FAF1: variants seen among roughly 807,000 people sequenced by gnomAD.
FAF1 encodes Fas associated factor 1, also known as FAS-associated factor 1.
In FAF1, 25 loss-of-function variants were observed where a neutral mutation model predicts 92.5. The ratio of observed to expected loss-of-function variants is 0.27; its 90% confidence interval spans 0.20 to 0.38. The LOEUF is 0.38. Ranked by LOEUF, FAF1 falls within the 10% of genes least tolerant of loss-of-function variation. FAF1 has a pLI of 1.00. For missense variants in FAF1, 636 were observed against 793.3 expected, an observed-to-expected ratio of 0.80 and a Z score of 2.38; for synonymous variants, 234 against 273.2, an observed-to-expected ratio of 0.86 and a Z score of 1.42.
intron 1 of FAF1, among the ~76,000 whole-genome samples, chr1:50,868,224 A>G (rs377440559): frequency 2.6e-5 from 4 of 152,196 alleles, no homozygotes; most frequent in East Asian, 3.8e-4. Context: ...CATTGTGTAC[A>G]GTACACAGTG....
At chr1:50,558,391 C>T (rs1256144070) in intron 13 of FAF1, among the ~76,000 whole-genome samples, 1 of 151,784 alleles carries the variant, frequency 6.6e-6, no homozygotes, top group Non-Finnish European at 1.5e-5. Flanking sequence ...CTGGTGGGGT[C>T]GGGGGACGGG....
At chr1:50,647,230 CT>C (rs1654638982) in intron 8 of FAF1, among the ~76,000 whole-genome samples, 1 of 152,186 alleles carries the variant, frequency 6.6e-6, no homozygotes, top group African/African-American at 2.4e-5. Context: ...GAAAACCTAA[CT>C]TATGAGCATA....
intron 4 of FAF1, among the ~76,000 whole-genome samples, chr1:50,753,998 C>T (rs907357824): frequency 2.6e-5 from 4 of 151,970 alleles, no homozygotes; most frequent in South Asian, 2.1e-4. Flanking sequence ...TCTCGTGATA[C>T]GCCCACCTTG....
chr1:50,490,450 A>C, intron 17 of FAF1, 138 bp downstream of exon 17: 1 of 358,048 alleles, frequency 2.8e-6, no homozygotes, highest in Non-Finnish European at 5.7e-6. Context: ...GAAGGAAGGA[A>C]GGAAGGAAGG....
At chr1:50,862,800 C>T (rs1345185267) in intron 1 of FAF1, among the ~76,000 whole-genome samples, 1 of 151,728 alleles carries the variant, frequency 6.6e-6, no homozygotes, top group Non-Finnish European at 1.5e-5. Context: ...CAAAAAGGGA[C>T]ATTATATAAT....
intron 15 of FAF1, among the ~76,000 whole-genome samples, chr1:50,507,493 T>G (rs899379694): frequency 2.0e-5 from 3 of 152,036 alleles, no homozygotes; most frequent in Non-Finnish European, 4.4e-5. Context: ...AATCCCAGTG[T>G]TTTTTGGGGG....
intron 8 of FAF1, among the ~76,000 whole-genome samples, chr1:50,654,192 G>A (rs1655002442): frequency 6.6e-6 from 1 of 152,010 alleles, no homozygotes; most frequent in Admixed American, 6.6e-5. Flanking sequence ...TATTATCCAG[G>A]CAGAAACATA....
chr1:50,701,074 C>A (rs531496402), intron 7 of FAF1, among the ~76,000 whole-genome samples: 1 of 152,008 alleles, frequency 6.6e-6, no homozygotes, highest in East Asian at 1.9e-4. Flanking sequence ...GATGCATAAT[C>A]GTCTTTTCTG....
chr1:50,697,284 A>T (rs1657274899), intron 7 of FAF1, among the ~76,000 whole-genome samples: 1 of 152,246 alleles, frequency 6.6e-6, no homozygotes, highest in Non-Finnish European at 1.5e-5. Flanking sequence ...ATACTTAGCC[A>T]TGATAATCCA....
At chr1:50,578,846 T>C (rs530344991) in intron 12 of FAF1, among the ~76,000 whole-genome samples, 4 of 152,300 alleles carry the variant, frequency 2.6e-5, no homozygotes, top group East Asian at 1.9e-4. Context: ...TTAGATTTAA[T>C]TTTGAATAAT....
chr1:50,857,916 A>G lies in FAF1; in HGVS notation c.114+13T>C. The G allele has an allele frequency of 6.4e-7, 1 of 1,552,990 alleles. No homozygotes were observed. The highest frequency in any genetic ancestry group is 8.7e-7 in the Non-Finnish European group (1 of 1,145,092). ...AATTTGATTACTCATCAGAGAAAGA[A>G]AAAAGTACTTACCACTAAGTCCCAA... On this transcript the variant is annotated intron_variant, in intron 2 of 18. Coordinates refer to ENST00000396153, the MANE Select transcript of FAF1 (RefSeq NM_007051.3).
At chr1:50,652,827 AC>A (rs1247682471) in intron 8 of FAF1, among the ~76,000 whole-genome samples, 1 of 152,232 alleles carries the variant, frequency 6.6e-6, no homozygotes, top group African/African-American at 2.4e-5. Context: ...AATTACAATA[AC>A]TTTTTTTGCA....
At chr1:50,682,747 C>T (rs193042580) in intron 7 of FAF1, among the ~76,000 whole-genome samples, 1 of 152,254 alleles carries the variant, frequency 6.6e-6, no homozygotes, top group East Asian at 1.9e-4. Flanking sequence ...GAACATAAAA[C>T]TGAGAACTTC....
intron 1 of FAF1, among the ~76,000 whole-genome samples, chr1:50,923,173 C>T (rs1644979049): frequency 6.6e-6 from 1 of 152,146 alleles, no homozygotes; most frequent in Admixed American, 6.6e-5. Flanking sequence ...AATCTCAATG[C>T]TTTGAGAGGC....
At chr1:50,687,861 C>T (rs180891213) in intron 7 of FAF1, among the ~76,000 whole-genome samples, 39 of 152,034 alleles carry the variant, frequency 2.6e-4, no homozygotes, top group Admixed American at 1.7e-3. Flanking sequence ...AAATGAAACA[C>T]GCGGTGGCTC....
intron 6 of FAF1, among the ~76,000 whole-genome samples, chr1:50,736,782 G>T (rs1659159761): frequency 6.6e-6 from 1 of 151,976 alleles, no homozygotes; most frequent in South Asian, 2.1e-4. Flanking sequence ...AAAAAAAGAT[G>T]TCAAAATATT....
intron 15 of FAF1, among the ~76,000 whole-genome samples, chr1:50,512,762 T>G (rs987733799): frequency 1.3e-5 from 2 of 152,218 alleles, no homozygotes; most frequent in African/African-American, 2.4e-5. Context: ...TTTTTTCTAA[T>G]TCTGTGAAGA....
At chr1:50,645,358 G>C (rs1343653402) in intron 8 of FAF1, among the ~76,000 whole-genome samples, 1 of 152,256 alleles carries the variant, frequency 6.6e-6, no homozygotes, top group Non-Finnish European at 1.5e-5. Flanking sequence ...GGGAAAGAGA[G>C]TTAATGTTTG....
At chr1:50,873,343 C>T (rs1644544071) in intron 1 of FAF1, among the ~76,000 whole-genome samples, 1 of 152,138 alleles carries the variant, frequency 6.6e-6, no homozygotes, top group South Asian at 2.1e-4. Context: ...CTTTTTGAGG[C>T]TAACGATGCC....
Sources: allele counts gnomAD v4.1 joint callset (sites outside exome capture counted in the v4.1 genomes callset), GRCh38; gene constraint gnomAD v4.1.1; transcripts MANE v1.5; gene names NCBI Gene and HGNC (gene_info 2026-07-23, HGNC 2026-07-21).